Variants in PCDHA5 observed in about 807,000 individuals in gnomAD.
The protein encoded by PCDHA5 is protocadherin alpha-5.
Under a neutral mutation model 61.6 loss-of-function variants are expected in PCDHA5, and 43 were observed. The observed-to-expected ratio is 0.70, with a 90% confidence interval of 0.55 to 0.90. PCDHA5 has a LOEUF of 0.90. PCDHA5 is among the 40% of genes least tolerant of loss of function. The probability of loss-of-function intolerance (pLI) is 0.00; values close to 1 mark genes in which losing one functional copy is unlikely to be tolerated. For missense variants in PCDHA5, 1,298 were observed against 1,222.7 expected (o/e 1.06, Z -0.92); for synonymous variants, 627 against 543.9 (o/e 1.15, Z -2.13).
In PCDHA5 at chr5:140,855,913, A is replaced by G. The variant is rs560286204; in HGVS notation, c.2352+31786A>G. 287 of 1,174,758 alleles carry G rather than the reference A, an allele frequency of 2.4e-4. 22 individuals carry two copies. Among genetic ancestry groups the G allele is most frequent in the Admixed American group, 2.2e-3 (83 of 38,140 alleles). 72.8% of individuals were successfully genotyped at this position (1,174,758 alleles called of 1,614,324 possible). ...AAAGGCATCAGCCAGTTTCTCAAGG[A>G]CTAGGAAGTAGCGTCATTCTGAGAT... On this transcript the variant is annotated intron_variant, in intron 1 of 3. Transcript: ENST00000529859.
rs146837800 is a variant in PCDHA5 at position 140,833,801 on chromosome 5, A to T, written c.2352+9674A>T. On this transcript the variant is annotated intron_variant, in intron 1 of 3. Coordinates refer to ENST00000529859, the MANE Select transcript of PCDHA5 (RefSeq NM_018908.3). ...AAGTTTCTCTTTCATCAATCAGTAGATTCTTGAGATCCTGGGTCCCTAAAA... is the reference window on the plus strand; with the variant it reads ...AAGTTTCTCTTTCATCAATCAGTAGTTTCTTGAGATCCTGGGTCCCTAAAA... Among the ~76,000 whole-genome samples, 141 of 152,240 alleles carry T rather than the reference A, an allele frequency of 9.3e-4. 1 individual carries two copies. The highest frequency in any genetic ancestry group is 3.3e-3 in the African/African-American group (136 of 41,550).
chr5:140,929,352 C>T (rs782815841), intron 1 of PCDHA5: 8 of 1,526,758 alleles, frequency 5.2e-6, no homozygotes, highest in Admixed American at 2.1e-5. Flanking sequence ...GAATTTGATT[C>T]CTTTGGCCCG....
At chr5:140,972,197 A>G (rs2096524584) in intron 1 of PCDHA5, among the ~76,000 whole-genome samples, 1 of 152,100 alleles carries the variant, frequency 6.6e-6, no homozygotes. Context: ...GCTGGAGTAT[A>G]GGTGTGAATA....
intron 1 of PCDHA5, chr5:140,835,273 C>T: frequency 6.2e-7 from 1 of 1,610,738 alleles, no homozygotes; most frequent in South Asian, 1.1e-5. Flanking sequence ...CACATGGACC[C>T]CTTAAGTGGG....
In PCDHA5 at chr5:140,848,765, C is replaced by A; in HGVS notation, c.2352+24638C>A. ...GCATTTTGTTTGTGAATTCTCGGAT[C>A]GACCGCGAGGAGCTGTGCGGGCGGA... On this transcript the variant is annotated intron_variant, in intron 1 of 3. Coordinates refer to ENST00000529859, the MANE Select transcript of PCDHA5 (RefSeq NM_018908.3). 3.8e-6 allele frequency: 6 copies of A among 1,593,356 alleles called. 1 individual carries two copies. The highest frequency in any genetic ancestry group is 2.2e-5 in the South Asian group (2 of 90,232).
At position 140,858,022 on chromosome 5, in the gene PCDHA5, G is replaced by T; in HGVS notation, c.2352+33895G>T. 2.5e-6 allele frequency: 4 copies of T among 1,597,054 alleles called. 1 individual carries two copies. The highest frequency in any genetic ancestry group is 1.3e-5 in the African/African-American group (1 of 74,416). On this transcript the variant is annotated intron_variant, in intron 1 of 3. Transcript: ENST00000529859. The stretch of plus-strand genomic sequence containing the variant: ...TGAAGGACCATGGCGAGCCGTCGCT[G>T]ACGGCCACGGCCACTGTGCTTGTGT...
intron 1 of PCDHA5, among the ~76,000 whole-genome samples, chr5:140,914,575 A>G (rs2076765762): frequency 2.0e-5 from 3 of 152,018 alleles, no homozygotes; most frequent in African/African-American, 7.2e-5. Context: ...TTTACATTCA[A>G]TAATTTCATT....
rs199727548 is a variant in PCDHA5, at chr5:140,829,646, G to C, written c.2352+5519G>C. ...GCACGCGGAGAGCGGCAAGGTGTAC[G>C]CGCTGCAGCCGCTGGACCACGAGGA... On this transcript the variant is annotated intron_variant, in intron 1 of 3. Transcript: ENST00000529859. 1 of 1,612,258 alleles carries C rather than the reference G, an allele frequency of 6.2e-7. No individual in the cohort carries two copies. Among genetic ancestry groups the C allele is most frequent in the Admixed American group, 1.7e-5 (1 of 59,998 alleles).
At position 141,009,798 on chromosome 5, in the gene PCDHA5, A is replaced by T; in HGVS notation, c.2672A>T (p.Asn891Ile). 1 of 1,614,116 alleles carries T rather than the reference A, an allele frequency of 6.2e-7. No individual in the cohort carries two copies. The highest frequency in any genetic ancestry group is 2.2e-5 in the East Asian group (1 of 44,868). Residue 891 changes from asparagine (N) to isoleucine (I), a missense_variant, in exon 4 of 4, where the codon AAC (asparagine) becomes ATC (isoleucine). Asn to Ile is a moderately radical substitution (Grantham distance 149). Coordinates refer to ENST00000529859, the MANE Select transcript of PCDHA5 (RefSeq NM_018908.3). The stretch of plus-strand genomic sequence containing the variant: ...ATCTCCATCCGGCAGGAGCCTACTA[A>T]CAGCCAAATTGACAAAAGTGACTTC... Reference protein sequence around the residue: ...AIISIRQEPTNSQIDKSDFIT... With the variant: ...AIISIRQEPTISQIDKSDFIT...
intron 3 of PCDHA5, among the ~76,000 whole-genome samples, chr5:140,990,006 G>T (rs1249732911): frequency 1.3e-5 from 2 of 152,116 alleles, no homozygotes; most frequent in Non-Finnish European, 2.9e-5. Flanking sequence ...ATCTCCAAGG[G>T]CGTGGGCTAG....
At chr5:140,995,352 C>T (rs976879377) in intron 3 of PCDHA5, among the ~76,000 whole-genome samples, 2 of 152,006 alleles carry the variant, frequency 1.3e-5, no homozygotes, top group Non-Finnish European at 2.9e-5. Context: ...ATGGATAGGT[C>T]GGACAGAGGG....
At chr5:140,897,782 T>G (rs1378743158) in intron 1 of PCDHA5, among the ~76,000 whole-genome samples, 6 of 152,182 alleles carry the variant, frequency 3.9e-5, no homozygotes, top group Admixed American at 3.9e-4. Flanking sequence ...CCACAATGGT[T>G]GAACTAGTTT....
chr5:140,863,505 C>A, intron 1 of PCDHA5: 1 of 421,530 alleles, frequency 2.4e-6, no homozygotes. Flanking sequence ...GGCTTTTAGT[C>A]CTAGTGTTCT....
At chr5:140,927,457 A>G in intron 1 of PCDHA5, 1 of 1,614,098 alleles carries the variant, frequency 6.2e-7, no homozygotes, top group Non-Finnish European at 8.5e-7. Flanking sequence ...GGTGTTGGAG[A>G]AAGCACTGGA....
intron 1 of PCDHA5, among the ~76,000 whole-genome samples, chr5:140,961,356 CA>C (rs1164957121): frequency 1.3e-5 from 2 of 152,168 alleles, no homozygotes; most frequent in Non-Finnish European, 2.9e-5. Context: ...CTGTAGTCCC[CA>C]TTAGAATTCT....
chr5:141,010,276 TTGA>T lies in PCDHA5; in HGVS notation c.*343_*345del, dbSNP rs1554262867. On this transcript the variant is annotated 3_prime_UTR_variant, in exon 4 of 4. Transcript: ENST00000529859. ...TGCCCTGTGCTCCGGGGATCCTGTC[TTGA>T]TGACACTTGCAGGGCAGGCTGAAAA... is the stretch of plus-strand genomic sequence containing the variant. The T allele has an allele frequency of 4.5e-6, 7 of 1,551,580 alleles. No individual in the cohort carries two copies. The highest frequency in any genetic ancestry group is 6.1e-6 in the Non-Finnish European group (7 of 1,146,976).
rs2150360894 is a variant in PCDHA5, at chr5:140,843,474, A to G, written c.2352+19347A>G. 2.5e-6 allele frequency: 4 copies of G among 1,595,796 alleles called. No homozygotes were observed. The East Asian group carries it at 6.7e-5, about 27-fold the overall frequency. ...CTGCTGGTGCTCACGCTGCTGCTGTACACTGCGCTGCGGTGCTCAGCACTG... is the reference window on the plus strand; with the variant it reads ...CTGCTGGTGCTCACGCTGCTGCTGTGCACTGCGCTGCGGTGCTCAGCACTG... On this transcript the variant is annotated intron_variant, in intron 1 of 3. Transcript: ENST00000529859.
At chr5:140,829,423 G>A (rs2150167639) in intron 1 of PCDHA5, 3 of 1,614,120 alleles carry the variant, frequency 1.9e-6, no homozygotes, top group Middle Eastern at 1.7e-4. Flanking sequence ...TGTCTGTGGA[G>A]GTGGCCGACA....
chr5:140,967,130 G>A (rs1554229204), intron 1 of PCDHA5: 1 of 1,612,184 alleles, frequency 6.2e-7, no homozygotes, highest in East Asian at 2.2e-5. Flanking sequence ...GCTCAGCTTG[G>A]AAGTGCTGGC....
Sources: allele counts gnomAD v4.1 joint callset (sites outside exome capture counted in the v4.1 genomes callset), GRCh38; gene constraint gnomAD v4.1.1; transcripts MANE v1.5; gene names NCBI Gene and HGNC (gene_info 2026-07-23, HGNC 2026-07-21).